Variants in CCDC148 observed in about 807,000 individuals in gnomAD.
CCDC148 encodes the protein coiled-coil domain-containing protein 148.
CCDC148 carries 89 observed loss-of-function variants against 85.7 expected under a neutral mutation model. The ratio of observed to expected loss-of-function variants is 1.04; its 90% CI spans 0.87 to 1.24. CCDC148 has a LOEUF of 1.24. CCDC148 is among the 50% of genes most tolerant of loss of function. The pLI is 0.00. For synonymous variants in CCDC148, 230 were observed against 213.9 expected (o/e 1.08, Z -0.66); for missense variants, 692 against 671.7 (o/e 1.03, Z -0.33).
At chr2:158,288,006 G>T (rs780331754) in intron 9 of CCDC148, among the ~76,000 whole-genome samples, 1 of 152,290 alleles carries the variant, frequency 6.6e-6, no homozygotes, top group East Asian at 1.9e-4. Context: ...CTGTGCACCC[G>T]CAGGCTTAAA....
chr2:158,332,633 G>C (rs928865740), intron 7 of CCDC148, among the ~76,000 whole-genome samples: 2 of 151,600 alleles, frequency 1.3e-5, no homozygotes, highest in African/African-American at 4.9e-5. Context: ...TGTACCTCTG[G>C]TAGAATTTGG....
At chr2:158,188,236 T>C (rs1244536867) in intron 11 of CCDC148, among the ~76,000 whole-genome samples, 4 of 151,958 alleles carry the variant, frequency 2.6e-5, no homozygotes, top group Admixed American at 2.0e-4. Flanking sequence ...GAGGAGTTGG[T>C]CATTTCAGCT....
intron 2 of CCDC148, among the ~76,000 whole-genome samples, chr2:158,352,907 G>A (rs1018160954): frequency 6.6e-6 from 1 of 151,926 alleles, no homozygotes; most frequent in Non-Finnish European, 1.5e-5. Context: ...CCAGAAGAGA[G>A]TGGGGGCCAA....
chr2:158,406,613 C>CTTTTTTTTTTTT lies in CCDC148; in HGVS notation c.26-48055_26-48044dup, dbSNP rs61612452. On this transcript the variant is annotated intron_variant, in intron 1 of 13. Coordinates refer to ENST00000283233, the MANE Select transcript of CCDC148 (RefSeq NM_138803.4). ...ACAGCCAGTTAAACAGATTAAATTT[C>CTTTTTTTTTTTT]TTTTTTTTTTTTTTTTTTTTTTTTT... Among the ~76,000 whole-genome samples the CTTTTTTTTTTTT allele has an allele frequency of 3.2e-4, 10 of 31,462 alleles. 1 individual carries two copies. The highest frequency in any genetic ancestry group is 9.8e-4 in the African/African-American group (10 of 10,176). The allele number at this position is 31,462 out of a possible 152,430, so 20.6% of individuals were successfully genotyped here. A position where few individuals can be genotyped will look rare whatever the true frequency, so the allele number is the denominator to read the frequency against.
chr2:158,337,089 A>T (rs1682426776), intron 7 of CCDC148, among the ~76,000 whole-genome samples: 1 of 152,182 alleles, frequency 6.6e-6, no homozygotes, highest in Admixed American at 6.6e-5. Context: ...TTGCATTATG[A>T]AAGAGCAGAA....
chr2:158,202,876 T>C (rs1686040076), intron 11 of CCDC148, among the ~76,000 whole-genome samples: 2 of 152,184 alleles, frequency 1.3e-5, no homozygotes, highest in African/African-American at 4.8e-5. Flanking sequence ...TAAAATTGAA[T>C]CTTTGTGTTG....
chr2:158,449,831 G>A (rs190857800), intron 1 of CCDC148, among the ~76,000 whole-genome samples: 11 of 152,294 alleles, frequency 7.2e-5, no homozygotes, highest in African/African-American at 2.6e-4. Flanking sequence ...AGGAAAGCAT[G>A]GAGTCTTTCA....
chr2:158,417,031 C>T (rs1183729001), intron 1 of CCDC148, among the ~76,000 whole-genome samples: 2 of 152,106 alleles, frequency 1.3e-5, no homozygotes, highest in Non-Finnish European at 2.9e-5. Flanking sequence ...GGGAGAGGTG[C>T]TATACACTTT....
At chr2:158,223,994 A>G (rs1376311646) in intron 10 of CCDC148, among the ~76,000 whole-genome samples, 2 of 152,274 alleles carry the variant, frequency 1.3e-5, no homozygotes, top group Non-Finnish European at 2.9e-5. Flanking sequence ...AGTTGAGAGA[A>G]GAAGGCTTCA....
chr2:158,203,922 C>T (rs1686096411), intron 11 of CCDC148, among the ~76,000 whole-genome samples: 1 of 152,126 alleles, frequency 6.6e-6, no homozygotes, highest in Non-Finnish European at 1.5e-5. Context: ...TGAGATGGTA[C>T]TCTTTCCTTT....
At chr2:158,224,528 G>A (rs10188825) in intron 10 of CCDC148, among the ~76,000 whole-genome samples, 99,576 of 151,686 alleles carry the variant, frequency 0.66, 33,787 homozygotes, top group East Asian at 0.89. Flanking sequence ...TTCACCAAAG[G>A]TAAAAATGTT....
intron 11 of CCDC148, among the ~76,000 whole-genome samples, chr2:158,205,486 C>G (rs1686192582): frequency 6.6e-6 from 1 of 151,994 alleles, no homozygotes; most frequent in Non-Finnish European, 1.5e-5. Context: ...ATGAATGTAA[C>G]AGTGTGTATT....
intron 1 of CCDC148, among the ~76,000 whole-genome samples, chr2:158,435,866 A>T (rs1229953880): frequency 1.3e-5 from 2 of 152,258 alleles, no homozygotes; most frequent in African/African-American, 4.8e-5. Flanking sequence ...GACAAAGATC[A>T]AAAGAGACAA....
intron 1 of CCDC148, among the ~76,000 whole-genome samples, chr2:158,436,948 A>T (rs552419022): frequency 5.4e-4 from 83 of 152,346 alleles, no homozygotes; most frequent in African/African-American, 1.9e-3. Flanking sequence ...ATCTCTGAAT[A>T]AACAAATAAC....
intron 11 of CCDC148, among the ~76,000 whole-genome samples, chr2:158,192,220 G>A (rs1033150715): frequency 6.4e-4 from 97 of 152,082 alleles, no homozygotes; most frequent in African/African-American, 2.2e-3. Flanking sequence ...AAGAAACCCT[G>A]TCTTTTCCCT....
intron 1 of CCDC148, among the ~76,000 whole-genome samples, chr2:158,442,524 AG>A (rs1481349257): frequency 6.6e-6 from 1 of 152,212 alleles, no homozygotes; most frequent in Admixed American, 6.5e-5. Context: ...ATTAAATGAA[AG>A]GAACATCACC....
chr2:158,320,154 T>C (rs558885559), intron 7 of CCDC148, among the ~76,000 whole-genome samples: 1 of 152,310 alleles, frequency 6.6e-6, no homozygotes, highest in South Asian at 2.1e-4. Flanking sequence ...TGGGACAGTA[T>C]GAGGAAAATT....
chr2:158,332,221 G>C (rs1574637439), intron 7 of CCDC148, among the ~76,000 whole-genome samples: 1 of 151,902 alleles, frequency 6.6e-6, no homozygotes, highest in Non-Finnish European at 1.5e-5. Flanking sequence ...AAATCTCTCA[G>C]CATTTGTTTG....
intron 7 of CCDC148, among the ~76,000 whole-genome samples, chr2:158,318,936 A>G (rs1574613560): frequency 6.6e-6 from 1 of 152,052 alleles, no homozygotes; most frequent in South Asian, 2.1e-4. Context: ...CACTCAGCTA[A>G]TTTTTTATTT....
Sources: gnomAD v4.1 joint callset for allele counts (sites outside exome capture counted in the v4.1 genomes callset) on GRCh38, gnomAD v4.1.1 for gene constraint, MANE v1.5 for transcripts, NCBI Gene and HGNC (gene_info 2026-07-23, HGNC 2026-07-21) for gene names.